The following DMD variants were observed in gnomAD, a reference collection of about 807,000 sequenced individuals.
The protein encoded by DMD is dystrophin, also known as mutant dystrophin.
In DMD, 63 loss-of-function variants were observed where a neutral mutation model predicts 330.1. The observed-to-expected ratio is 0.19, with a 90% CI of 0.16 to 0.24. The LOEUF is 0.24. Among genes scored for constraint, DMD ranks in the 10% least tolerant of loss-of-function variants. DMD has a pLI of 1.00. For missense variants in DMD, 3,344 were observed against 2,684.1 expected (o/e 1.25, Z -5.43); for synonymous variants, 1,223 against 959.8 (o/e 1.27, Z -5.07).
At chrX:31,828,537 A>G (rs1262447420) in intron 49 of DMD, among the ~76,000 whole-genome samples, 1 of 108,549 alleles carries the variant, frequency 9.2e-6, no homozygotes, top group Non-Finnish European at 1.9e-5. Context: ...GGTGGTGGGC[A>G]CCTGTAATCT....
intron 7 of DMD, among the ~76,000 whole-genome samples, chrX:32,704,060 A>G (rs921646679): frequency 8.9e-6 from 1 of 111,945 alleles, no homozygotes; most frequent in Non-Finnish European, 1.9e-5. Flanking sequence ...CTTTATGAAC[A>G]ATAACACCGT....
chrX:31,343,400 A>G (rs940616654), intron 61 of DMD, among the ~76,000 whole-genome samples: 22 of 111,268 alleles, frequency 2.0e-4, no homozygotes, highest in African/African-American at 6.2e-4. Flanking sequence ...GTCATATTTC[A>G]CAATGCTTTT....
chrX:32,728,733 C>T (rs960460065), intron 7 of DMD, among the ~76,000 whole-genome samples: 1 of 111,879 alleles, frequency 8.9e-6, no homozygotes, highest in Non-Finnish European at 1.9e-5. Context: ...TCCTCTTCTT[C>T]TTCCTGTATT....
At chrX:32,178,968 CT>C (rs2096917209) in intron 44 of DMD, among the ~76,000 whole-genome samples, 7 of 104,199 alleles carry the variant, frequency 6.7e-5, no homozygotes, top group South Asian at 4.3e-4. Flanking sequence ...CTCTCTCTCT[CT>C]CTCTCTCTCT....
intron 1 of DMD, among the ~76,000 whole-genome samples, chrX:33,132,281 A>C (rs776149275): frequency 8.9e-6 from 1 of 111,957 alleles, no homozygotes; most frequent in Non-Finnish European, 1.9e-5. Context: ...ACTCTTTTGG[A>C]TATCTCCCTT....
chrX:31,834,898 TGCTACAA>T (rs1001258516), intron 49 of DMD, among the ~76,000 whole-genome samples: 1 of 111,413 alleles, frequency 9.0e-6, no homozygotes, highest in Non-Finnish European at 1.9e-5. Context: ...CAGTGCTGTC[TGCTACAA>T]AAATGGTTTT....
At position 32,644,150 on chromosome X, in the gene DMD, C is replaced by G. The variant is rs769276658; in HGVS notation, c.1313G>C (p.Ser438Thr). 8 of 1,207,519 alleles carry G rather than the reference C, an allele frequency of 6.6e-6. No homozygotes were observed. The highest frequency in any genetic ancestry group is 7.8e-6 in the Non-Finnish European group (7 of 893,364). Residue 438 changes from serine to threonine, a missense_variant, in exon 11 of 79, where the codon AGC becomes ACC. Transcript: ENST00000357033. ...GACTTACTTGCTTTGTTTTTCCATG[C>G]TAGCTACCCTGAGGCATTCCCATCT... ...NSRWECLRVA[S>T]MEKQSNLHRV...
At chrX:31,815,009 C>T (rs754313090) in intron 50 of DMD, among the ~76,000 whole-genome samples, 1 of 112,234 alleles carries the variant, frequency 8.9e-6, no homozygotes, top group Non-Finnish European at 1.9e-5. Flanking sequence ...TTCCCTTTAG[C>T]ATTCACAGCA....
intron 37 of DMD, among the ~76,000 whole-genome samples, chrX:32,355,907 C>T (rs1603631527): frequency 9.2e-6 from 1 of 109,099 alleles, no homozygotes; most frequent in East Asian, 2.8e-4. Flanking sequence ...TACAATGTAC[C>T]TACAAAAATT....
chrX:31,864,940 T>G (rs781456762), intron 48 of DMD, among the ~76,000 whole-genome samples: 2 of 112,225 alleles, frequency 1.8e-5, no homozygotes, highest in South Asian at 3.7e-4. Context: ...ATTCACTCAA[T>G]TTTTCATTTT....
At chrX:32,072,449 A>C (rs2096308166) in intron 44 of DMD, among the ~76,000 whole-genome samples, 1 of 111,257 alleles carries the variant, frequency 9.0e-6, no homozygotes, top group Admixed American at 9.6e-5. Flanking sequence ...AATGCTTTAC[A>C]AAAGAGGTTC....
At chrX:32,982,317 C>T (rs775887164) in intron 2 of DMD, among the ~76,000 whole-genome samples, 6 of 111,636 alleles carry the variant, frequency 5.4e-5, no homozygotes, top group Non-Finnish European at 9.4e-5. Context: ...ACCAACCTAG[C>T]ACTGTACATG....
intron 44 of DMD, 74 bp downstream of exon 44, chrX:32,216,842 G>A: frequency 1.0e-6 from 1 of 978,690 alleles, no homozygotes; most frequent in Non-Finnish European, 1.4e-6. Flanking sequence ...TTCAGAACCT[G>A]ATCTTTAAGA....
At chrX:33,129,643 T>TC (rs1172789723) in intron 1 of DMD, among the ~76,000 whole-genome samples, 1 of 109,649 alleles carries the variant, frequency 9.1e-6, no homozygotes, top group Non-Finnish European at 1.9e-5. Flanking sequence ...TTCCCTACTC[T>TC]CAATTTTCAG....
intron 62 of DMD, among the ~76,000 whole-genome samples, chrX:31,284,557 T>TTTCTTCTTCTTCTTTCTTCTTCTTC (rs2052896374): frequency 2.6e-5 from 2 of 78,070 alleles, no homozygotes; most frequent in Admixed American, 1.5e-4. Context: ...TAACGAACTG[T>TTTCTTCTTCTTCTTTCTTCTTCTTC]TTCTTCTTCT....
At chrX:32,651,758 A>G (rs756132028) in intron 9 of DMD, among the ~76,000 whole-genome samples, 1 of 112,024 alleles carries the variant, frequency 8.9e-6, no homozygotes, top group Non-Finnish European at 1.9e-5. Flanking sequence ...CCCCATAAAT[A>G]CATACACCTA....
At chrX:32,905,747 T>C (rs994176580) in intron 2 of DMD, among the ~76,000 whole-genome samples, 1 of 111,903 alleles carries the variant, frequency 8.9e-6, no homozygotes, top group African/African-American at 3.2e-5. Flanking sequence ...TTGGTGCTAC[T>C]GAGATTTTGC....
chrX:31,927,232 G>A (rs2094791564), intron 47 of DMD, among the ~76,000 whole-genome samples: 1 of 111,834 alleles, frequency 8.9e-6, no homozygotes, highest in African/African-American at 3.2e-5. Context: ...TTTTGGCATA[G>A]GAAACAGATA....
intron 67 of DMD, among the ~76,000 whole-genome samples, chrX:31,185,772 T>C (rs2041709034): frequency 1.0e-5 from 1 of 99,693 alleles, no homozygotes; most frequent in Non-Finnish European, 2.0e-5. Context: ...AATATGTTTT[T>C]TGTTTTTTTT....
Sources: gnomAD v4.1 joint callset for allele counts (sites outside exome capture counted in the v4.1 genomes callset) on GRCh38, gnomAD v4.1.1 for gene constraint, MANE v1.5 for transcripts, NCBI Gene and HGNC (gene_info 2026-07-23, HGNC 2026-07-21) for gene names.